Variants in USP25 observed in about 807,000 individuals in gnomAD.
USP25 encodes ubiquitin carboxyl-terminal hydrolase 25.
Under a neutral mutation model 158.5 loss-of-function variants are expected in USP25, and 85 were observed. That is an observed-to-expected ratio of 0.54 (90% CI 0.45 to 0.64). The LOEUF (loss-of-function observed/expected upper bound fraction) is 0.64, where lower values mean the gene tolerates loss of function less well. Among genes scored for constraint, USP25 ranks in the 30% least tolerant of loss-of-function variants. USP25 has a pLI of 0.00. For synonymous variants in USP25, 464 were observed against 460.4 expected (o/e 1.01, Z -0.10); for missense variants, 1,242 against 1,327.3 (o/e 0.94, Z 1.00).
Position 15,878,286 on chromosome 21 carries a change from ATTGT to A in USP25, c.3206-12_3206-9del. On this transcript the variant is annotated splice_polypyrimidine_tract_variant and intron_variant, in intron 25 of 25. Coordinates refer to ENST00000400183, the MANE Select transcript of USP25 (RefSeq NM_001283041.3). ...TAATTTCTATCTTTAGTTAGATTTAATTGTTTGTATTTGCAGCACACCTCCAAGA... is the reference window on the plus strand; with the variant it reads ...TAATTTCTATCTTTAGTTAGATTTAATTGTATTTGCAGCACACCTCCAAGA... 6.2e-7 allele frequency: 1 copy of A among 1,604,446 alleles called. No individual in the cohort carries two copies. The highest frequency in any genetic ancestry group is 8.5e-7 in the Non-Finnish European group (1 of 1,175,250).
At chr21:15,737,108 AAC>A (rs1468795065) in intron 1 of USP25, among the ~76,000 whole-genome samples, 1 of 151,912 alleles carries the variant, frequency 6.6e-6, no homozygotes, top group Admixed American at 6.6e-5. Flanking sequence ...CTTCATTTAA[AAC>A]TACATTATTT....
At chr21:15,809,473 C>T (rs904094186) in intron 8 of USP25, among the ~76,000 whole-genome samples, 1 of 152,120 alleles carries the variant, frequency 6.6e-6, no homozygotes, top group Admixed American at 6.5e-5. Flanking sequence ...AACACCCCCC[C>T]CAACCCCTAC....
intron 10 of USP25, among the ~76,000 whole-genome samples, chr21:15,823,621 A>G (rs2037347240): frequency 6.6e-6 from 1 of 151,938 alleles, no homozygotes; most frequent in Non-Finnish European, 1.5e-5. Flanking sequence ...TTTTTTTTTG[A>G]GTACTCCCTC....
intron 6 of USP25, among the ~76,000 whole-genome samples, chr21:15,804,814 T>C (rs1408664879): frequency 1.3e-5 from 2 of 152,132 alleles, no homozygotes; most frequent in Admixed American, 6.6e-5. Context: ...GGAAGTATTA[T>C]GAGAAGCAGT....
chr21:15,802,072 A>G (rs1319740413), intron 6 of USP25, among the ~76,000 whole-genome samples: 4 of 151,570 alleles, frequency 2.6e-5, no homozygotes, highest in African/African-American at 9.7e-5. Context: ...AAAATGTTTC[A>G]GACTGATGGC....
intron 20 of USP25, 88 bp from the exon 21 acceptor site, chr21:15,864,180 A>G (rs2039555849): frequency 1.5e-6 from 2 of 1,316,902 alleles, no homozygotes; most frequent in South Asian, 1.4e-5. Flanking sequence ...AAAGATTTAA[A>G]TGCAAGAAGA....
intron 3 of USP25, among the ~76,000 whole-genome samples, chr21:15,768,464 T>C (rs2034164358): frequency 6.6e-6 from 1 of 152,208 alleles, no homozygotes; most frequent in Admixed American, 6.5e-5. Context: ...GGAGATGTCA[T>C]GCATTTCAGC....
intron 5 of USP25, among the ~76,000 whole-genome samples, chr21:15,796,464 T>G (rs546858863): frequency 6.6e-6 from 1 of 151,506 alleles, no homozygotes; most frequent in Non-Finnish European, 1.5e-5. Flanking sequence ...TTTGATGGAT[T>G]TTGTCCTTTA....
At position 15,849,779 on chromosome 21, in the gene USP25, C is replaced by T. The variant is rs889712234; in HGVS notation, c.2454C>T (p.Ile818=). The change falls in exon 20 of 26, where the codon ATC becomes ATT. Residue 818 remains isoleucine, a splice_region_variant and synonymous_variant. Transcript: ENST00000400183. ...ESKEGGYDDE[I]MMTPNMQGII... ...ATGTTAACTATCTTCTGTGGCAGAT[C>T]ATGATGACACCGAACATGCAAGGTA... 8 of 1,530,556 alleles carry T rather than the reference C, an allele frequency of 5.2e-6. No homozygotes were observed. The African/African-American group carries it at 9.7e-5, about 19-fold the overall frequency. 94.8% of individuals were successfully genotyped at this position (1,530,556 alleles called of 1,614,324 possible). A position where few individuals can be genotyped will look rare whatever the true frequency, so the allele number is the denominator to read the frequency against.
chr21:15,824,831 G>T (rs1601036309), intron 11 of USP25, 135 bp from the exon 12 acceptor site: 1 of 651,388 alleles, frequency 1.5e-6, no homozygotes, highest in African/African-American at 1.9e-5. Context: ...GGCCAGGCTG[G>T]TCTTGAACTC....
intron 20 of USP25, among the ~76,000 whole-genome samples, chr21:15,856,495 G>A (rs1369870836): frequency 5.3e-5 from 8 of 150,028 alleles, no homozygotes; most frequent in South Asian, 4.2e-4. Flanking sequence ...TTTTTGAGAC[G>A]GAGTCTCGCT....
chr21:15,833,208 A>T, intron 16 of USP25, 140 bp from the exon 17 acceptor site: 1 of 720,508 alleles, frequency 1.4e-6, no homozygotes, highest in East Asian at 2.8e-5. Context: ...TTGCTAAGCA[A>T]TAGTAATTCT....
At chr21:15,756,168 A>G (rs922542867) in intron 1 of USP25, among the ~76,000 whole-genome samples, 5 of 152,190 alleles carry the variant, frequency 3.3e-5, no homozygotes, top group Middle Eastern at 3.2e-3. Context: ...CTTTCCTGCT[A>G]TAGGAGTTAA....
intron 20 of USP25, among the ~76,000 whole-genome samples, chr21:15,861,446 ATTAAC>A (rs543433866): frequency 1.5e-4 from 23 of 152,298 alleles, no homozygotes; most frequent in Non-Finnish European, 2.2e-4. Flanking sequence ...GTCTGTGATA[ATTAAC>A]TTAAAATAAT....
intron 14 of USP25, 142 bp downstream of exon 14, chr21:15,827,345 T>G: frequency 1.3e-6 from 1 of 756,788 alleles, no homozygotes; most frequent in Non-Finnish European, 2.1e-6. Flanking sequence ...TAAGATAAAC[T>G]AGTTTGGCTC....
At chr21:15,810,751 A>G (rs1350510200) in intron 8 of USP25, among the ~76,000 whole-genome samples, 1 of 152,194 alleles carries the variant, frequency 6.6e-6, no homozygotes, top group African/African-American at 2.4e-5. Flanking sequence ...ATTCTGATTA[A>G]AAGTGGCTTT....
chr21:15,823,838 C>G (rs1420957702), intron 10 of USP25, among the ~76,000 whole-genome samples: 1 of 151,894 alleles, frequency 6.6e-6, no homozygotes, highest in East Asian at 1.9e-4. Context: ...TATATTATAC[C>G]CACTCTTGGA....
intron 1 of USP25, among the ~76,000 whole-genome samples, chr21:15,738,732 G>T (rs1258120364): frequency 6.6e-6 from 1 of 152,062 alleles, no homozygotes; most frequent in Non-Finnish European, 1.5e-5. Flanking sequence ...CTCAAAGAAA[G>T]AAAAAGTAAA....
At chr21:15,785,824 C>A (rs1227232687) in intron 4 of USP25, among the ~76,000 whole-genome samples, 5 of 148,926 alleles carry the variant, frequency 3.4e-5, no homozygotes, top group African/African-American at 1.2e-4. Context: ...CAGAAGTAAA[C>A]AAATAGAGAC....
Sources: allele counts gnomAD v4.1 joint callset (sites outside exome capture counted in the v4.1 genomes callset), GRCh38; gene constraint gnomAD v4.1.1; transcripts MANE v1.5; gene names NCBI Gene and HGNC (gene_info 2026-07-23, HGNC 2026-07-21).